The following FARS2 variants were observed in gnomAD, a reference collection of about 807,000 sequenced individuals.
The protein encoded by FARS2 is phenylalanyl-tRNA synthetase 2, mitochondrial.
A neutral mutation model predicts 46.4 loss-of-function variants in FARS2; 40 were observed. That is an observed-to-expected ratio of 0.86 (90% CI 0.67 to 1.12). FARS2 has a LOEUF of 1.12. Ranked by LOEUF, FARS2 falls within the 50% of genes most tolerant of loss-of-function variation. The pLI is 0.00. For synonymous variants in FARS2, 234 were observed against 214.9 expected, an observed-to-expected ratio of 1.09 and a Z score of -0.78; for missense variants, 513 against 567.9, an observed-to-expected ratio of 0.90 and a Z score of 0.98.
chr6:5,456,461 C>T (rs139825695), intron 4 of FARS2, among the ~76,000 whole-genome samples: 3,083 of 152,056 alleles, frequency 0.02, 54 homozygotes, highest in South Asian at 0.069. Context: ...TGGCCAGGCA[C>T]GGTGGCTCAC....
chr6:5,398,756 A>G (rs1398542402), intron 2 of FARS2, among the ~76,000 whole-genome samples: 6 of 152,164 alleles, frequency 3.9e-5, no homozygotes, highest in African/African-American at 1.2e-4. Context: ...CCTCCAATCT[A>G]AGCCAACACC....
intron 1 of FARS2, among the ~76,000 whole-genome samples, chr6:5,276,918 G>A (rs1341269720): frequency 6.6e-6 from 1 of 152,198 alleles, no homozygotes; most frequent in African/African-American, 2.4e-5. Flanking sequence ...ACAAACACAT[G>A]TTATTGTTTT....
rs537297293 is a variant in FARS2, at chr6:5,389,517, T to C, written c.613-15025T>C. Among the ~76,000 whole-genome samples, 5 of 152,324 alleles carry C rather than the reference T, an allele frequency of 3.3e-5. No individual in the cohort carries two copies. The South Asian group carries it at 8.3e-4, about 25-fold the overall frequency. Reference sequence around the variant, plus strand: ...TTGGGTCATCTCTTCACTGCTCAAGTCACTTGTACTTGCGTTTGGTATTGT... The same window carrying C: ...TTGGGTCATCTCTTCACTGCTCAAGCCACTTGTACTTGCGTTTGGTATTGT... On this transcript the variant is annotated intron_variant, in intron 2 of 6. Transcript: ENST00000274680.
chr6:5,568,854 A>G (rs547149933), intron 5 of FARS2, among the ~76,000 whole-genome samples: 2 of 152,348 alleles, frequency 1.3e-5, no homozygotes, highest in South Asian at 4.1e-4. Context: ...CACAGAAGAA[A>G]TGATGTGATA....
At chr6:5,609,856 G>T (rs1467670479) in intron 5 of FARS2, 9 of 1,030,270 alleles carry the variant, frequency 8.7e-6, no homozygotes, top group Non-Finnish European at 7.5e-6. Flanking sequence ...ATGTTCTTCA[G>T]TGTCTTTAAT....
At chr6:5,532,805 A>G (rs1316260909) in intron 4 of FARS2, among the ~76,000 whole-genome samples, 1 of 151,724 alleles carries the variant, frequency 6.6e-6, no homozygotes, top group African/African-American at 2.4e-5. Context: ...GAAGAAGAAG[A>G]AGAAGAATGT....
chr6:5,546,156 T>C lies in FARS2; in HGVS notation c.1065+816T>C, dbSNP rs139640503. Among the ~76,000 whole-genome samples, 54 of 151,300 alleles carry C rather than the reference T, an allele frequency of 3.6e-4. 1 individual carries two copies. The East Asian group carries it at 0.01, about 28-fold the overall frequency. ...AAAAAAAGAAGTTCCTAAATAGAGG[T>C]CCATAAACACACAAGGGGTTCATAA... On this transcript the variant is annotated intron_variant, in intron 5 of 6. Transcript: ENST00000274680.
intron 4 of FARS2, among the ~76,000 whole-genome samples, chr6:5,530,470 T>C (rs1769752161): frequency 6.6e-6 from 1 of 152,040 alleles, no homozygotes; most frequent in Admixed American, 6.6e-5. Context: ...AATTTGAATA[T>C]GGATTGCAGA....
chr6:5,284,820 G>A (rs1766995038), intron 1 of FARS2, among the ~76,000 whole-genome samples: 1 of 152,140 alleles, frequency 6.6e-6, no homozygotes, highest in African/African-American at 2.4e-5. Context: ...CAGCGCTTCT[G>A]TCTTCTCCCC....
chr6:5,734,810 G>GATAGATAC (rs1554130491), intron 6 of FARS2, among the ~76,000 whole-genome samples: 6 of 152,116 alleles, frequency 3.9e-5, no homozygotes, highest in South Asian at 2.1e-4. Context: ...TAGATAGATA[G>GATAGATAC]ATACATACAT....
rs1561937637 is a variant in FARS2, at chr6:5,293,885, G to A, written c.-22+32225G>A. Among the ~76,000 whole-genome samples, 4 of 152,278 alleles carry A rather than the reference G, an allele frequency of 2.6e-5. No individual in the cohort carries two copies. The South Asian group carries it at 8.3e-4, about 32-fold the overall frequency. ...GAATTCTTTTTAAAGCAAATTAGAG[G>A]TGGCAGGTCTGCCACAGGTGAGAAG... On this transcript the variant is annotated intron_variant, in intron 1 of 6. Coordinates refer to ENST00000274680, the MANE Select transcript of FARS2 (RefSeq NM_006567.5).
chr6:5,646,119 A>C (rs1777062034), intron 6 of FARS2, among the ~76,000 whole-genome samples: 1 of 147,872 alleles, frequency 6.8e-6, no homozygotes, highest in Non-Finnish European at 1.5e-5. Flanking sequence ...GAGAGGGAGC[A>C]GCAGGGAGAT....
chr6:5,267,328 G>A (rs1330605779), intron 1 of FARS2, among the ~76,000 whole-genome samples: 1 of 151,994 alleles, frequency 6.6e-6, no homozygotes, highest in African/African-American at 2.4e-5. Flanking sequence ...CAGTATTTTA[G>A]GAATAATGTT....
chr6:5,658,744 A>C (rs1284922877), intron 6 of FARS2, among the ~76,000 whole-genome samples: 2 of 152,200 alleles, frequency 1.3e-5, no homozygotes, highest in Non-Finnish European at 2.9e-5. Context: ...ATTTTCAAGG[A>C]GATGAATTCT....
intron 4 of FARS2, among the ~76,000 whole-genome samples, chr6:5,432,344 ATATATAT>A (rs1763240824): frequency 1.3e-4 from 4 of 31,712 alleles, no homozygotes; most frequent in Non-Finnish European, 2.8e-4. Flanking sequence ...ATATATATAT[ATATATAT>A]TATATATATA....
At chr6:5,549,751 C>T (rs1771261099) in intron 5 of FARS2, among the ~76,000 whole-genome samples, 2 of 152,134 alleles carry the variant, frequency 1.3e-5, no homozygotes, top group South Asian at 4.1e-4. Context: ...TTCTAGGTTA[C>T]AGGGATTAGG....
intron 3 of FARS2, among the ~76,000 whole-genome samples, chr6:5,405,738 C>T (rs186637881): frequency 1.3e-3 from 190 of 151,970 alleles, no homozygotes; most frequent in Middle Eastern, 6.8e-3. Flanking sequence ...GTGATTCACC[C>T]GCCTCGGCCT....
rs569211703 is a variant in FARS2, at chr6:5,366,089, G to A, written c.-21-2461G>A. 1.8e-4 allele frequency among the ~76,000 whole-genome samples: 28 copies of A among 152,246 alleles called. No homozygotes were observed. In the South Asian group the frequency reaches 5.6e-3, roughly 30 times the overall value. On this transcript the variant is annotated intron_variant, in intron 1 of 6. Coordinates refer to ENST00000274680, the MANE Select transcript of FARS2 (RefSeq NM_006567.5). ...ACTGAAAAGAATCTGCATGTAAGTG[G>A]ATCTGCACAGTTCAATCCATGTTGT...
At chr6:5,500,958 GAGA>G (rs1232201076) in intron 4 of FARS2, among the ~76,000 whole-genome samples, 15 of 151,542 alleles carry the variant, frequency 9.9e-5, no homozygotes, top group African/African-American at 3.6e-4. Context: ...GAGAGAGAGA[GAGA>G]GAGAGAGAGA....
Sources: gnomAD v4.1 joint callset for allele counts (sites outside exome capture counted in the v4.1 genomes callset) on GRCh38, gnomAD v4.1.1 for gene constraint, MANE v1.5 for transcripts, NCBI Gene and HGNC (gene_info 2026-07-23, HGNC 2026-07-21) for gene names.